The following FAM20B variants were observed in gnomAD, a reference collection of about 807,000 sequenced individuals.
FAM20B encodes glycosaminoglycan xylosylkinase.
In FAM20B, 23 loss-of-function variants were observed where a neutral mutation model predicts 43.8. The observed-to-expected ratio is 0.53, with a 90% CI of 0.38 to 0.74. The LOEUF (loss-of-function observed/expected upper bound fraction) is 0.74, where lower values mean the gene tolerates loss of function less well. Ranked by LOEUF, FAM20B falls within the 30% of genes least tolerant of loss-of-function variation. The probability of loss-of-function intolerance (pLI) is 0.00; values close to 1 mark genes in which losing one functional copy is unlikely to be tolerated. For missense variants in FAM20B, 440 were observed against 510.5 expected (o/e 0.86, Z 1.33); for synonymous variants, 178 against 192.4 (o/e 0.93, Z 0.62).
intron 1 of FAM20B, among the ~76,000 whole-genome samples, chr1:179,041,612 C>T (rs1023806807): frequency 2.1e-5 from 3 of 143,462 alleles, no homozygotes; most frequent in Non-Finnish European, 3.0e-5. Context: ...AGAGGGAGAC[C>T]GTGGAAAGAG....
chr1:179,062,290 T>C (rs1347339343), intron 4 of FAM20B, among the ~76,000 whole-genome samples: 1 of 152,172 alleles, frequency 6.6e-6, no homozygotes, highest in Non-Finnish European at 1.5e-5. Context: ...GTGGGAAATA[T>C]ATGTATATGT....
At position 179,064,001 on chromosome 1, in the gene FAM20B, A is replaced by T. The variant is rs142541786; in HGVS notation, c.649A>T (p.Met217Leu). The T allele has an allele frequency of 6.2e-7, 1 of 1,613,840 alleles. No homozygotes were observed. Among genetic ancestry groups the T allele is most frequent in the African/African-American group, 1.3e-5 (1 of 75,030 alleles). ...TEPACADGDIMEGSVTLWLPD... is the reference protein window; with the variant it reads ...TEPACADGDILEGSVTLWLPD... ...ACCAGCTTGTGCTGATGGAGACATA[A>T]TGGAGGGATCTGTCACACTTTGGCT... is the stretch of plus-strand genomic sequence containing the variant. Residue 217 changes from methionine to leucine, a missense_variant, in exon 5 of 8, where the codon ATG (methionine) becomes TTG (leucine). Met to Leu is a conservative substitution (Grantham distance 15, BLOSUM62 2). Coordinates refer to ENST00000263733, the MANE Select transcript of FAM20B (RefSeq NM_014864.4).
intron 4 of FAM20B, among the ~76,000 whole-genome samples, chr1:179,063,203 G>A (rs1213387172): frequency 1.3e-5 from 2 of 151,812 alleles, no homozygotes; most frequent in African/African-American, 4.8e-5. Flanking sequence ...CTTGAACCTG[G>A]GAGGCAGAGG....
chr1:179,071,090 C>T (rs1410147845), intron 7 of FAM20B, among the ~76,000 whole-genome samples: 2 of 151,668 alleles, frequency 1.3e-5, no homozygotes, highest in East Asian at 4.0e-4. Flanking sequence ...GTCAGGAGAT[C>T]AAGACCATCC....
rs1168444374 is a variant in FAM20B at position 179,044,015 on chromosome 1, G to A, written c.168G>A (p.Leu56=). The change falls in exon 2 of 8, where the codon CTG becomes CTA. Residue 56 remains leucine, a synonymous_variant. Transcript: ENST00000263733. ...TGCGGGTGGAGCTGGCACCCAAGCT[G>A]GACCATACCTTGCAGTCTCCCTGGG... ...TGLRVELAPK[L]DHTLQSPWEI... 22 of 1,614,034 alleles carry A rather than the reference G, an allele frequency of 1.4e-5. No individual in the cohort carries two copies. In the Admixed American group the frequency reaches 3.7e-4, roughly 27 times the overall value.
At chr1:179,036,343 T>A (rs1024535724) in intron 1 of FAM20B, among the ~76,000 whole-genome samples, 8 of 152,202 alleles carry the variant, frequency 5.3e-5, no homozygotes, top group Admixed American at 4.6e-4. Context: ...CTTTTAAAGT[T>A]ATGTTATTAC....
chr1:179,042,024 A>T (rs1282862001), intron 1 of FAM20B, among the ~76,000 whole-genome samples: 1 of 152,118 alleles, frequency 6.6e-6, no homozygotes, highest in African/African-American at 2.4e-5. Flanking sequence ...TTGCTTTAAA[A>T]TTTTCAGTGT....
intron 1 of FAM20B, among the ~76,000 whole-genome samples, chr1:179,039,751 T>TA (rs1650403394): frequency 2.0e-5 from 3 of 151,916 alleles, no homozygotes; most frequent in Non-Finnish European, 4.4e-5. Context: ...TATTTTTTTT[T>TA]ATTGATCATT....
At chr1:179,068,730 G>T (rs1179610040) in intron 7 of FAM20B, among the ~76,000 whole-genome samples, 1 of 152,094 alleles carries the variant, frequency 6.6e-6, no homozygotes, top group Non-Finnish European at 1.5e-5. Context: ...CACTGCGCCC[G>T]ACCCAATATA....
intron 1 of FAM20B, among the ~76,000 whole-genome samples, chr1:179,035,927 C>T (rs1170524120): frequency 1.3e-5 from 2 of 151,930 alleles, no homozygotes; most frequent in Admixed American, 6.6e-5. Flanking sequence ...GTCAGGAGTT[C>T]GAGACCAGCC....
In FAM20B at chr1:179,064,422, T is replaced by C. The variant is rs1158759810; in HGVS notation, c.864T>C (p.Ala288=). The stretch of plus-strand genomic sequence containing the variant: ...TCTTTGATTACCTGATTGGCAATGC[T>C]GACCGCCATCACTATGAGAGCTTTC... ...TAVFDYLIGN[A]DRHHYESFQD... Residue 288 remains alanine (A), a synonymous_variant, in exon 6 of 8, where the codon GCT becomes GCC. Transcript: ENST00000263733. 6.2e-7 allele frequency: 1 copy of C among 1,614,214 alleles called. No homozygotes were observed. Among genetic ancestry groups the C allele is most frequent in the Non-Finnish European group, 8.5e-7 (1 of 1,180,028 alleles).
chr1:179,060,224 T>C (rs1444280591), intron 4 of FAM20B, among the ~76,000 whole-genome samples: 2 of 152,234 alleles, frequency 1.3e-5, no homozygotes, highest in Non-Finnish European at 2.9e-5. Context: ...TTCATTGTTT[T>C]GTTGTTTCAC....
At chr1:179,027,991 C>G (rs566244261) in intron 1 of FAM20B, among the ~76,000 whole-genome samples, 3 of 152,062 alleles carry the variant, frequency 2.0e-5, no homozygotes, top group South Asian at 4.1e-4. Context: ...GATTCCAGCC[C>G]TTTCACACAG....
intron 7 of FAM20B, among the ~76,000 whole-genome samples, chr1:179,067,609 AAATAAAT>A (rs1651745675): frequency 6.6e-6 from 1 of 152,132 alleles, no homozygotes; most frequent in Admixed American, 6.5e-5. Context: ...GTCTCAAAAA[AAATAAAT>A]AATAAATAAT....
intron 2 of FAM20B, among the ~76,000 whole-genome samples, chr1:179,047,602 G>A (rs1479438553): frequency 6.6e-6 from 1 of 152,180 alleles, no homozygotes; most frequent in African/African-American, 2.4e-5. Flanking sequence ...CCTGCCATAG[G>A]TGCTAACTCT....
upstream of FAM20B, among the ~76,000 whole-genome samples, chr1:179,023,607 T>G (rs1448376330): frequency 6.6e-6 from 1 of 152,222 alleles, no homozygotes; most frequent in Admixed American, 6.5e-5. Flanking sequence ...AATGTATGCA[T>G]CAGTGAATGA....
the FAM20B span, among the ~76,000 whole-genome samples, chr1:179,018,837 A>C: frequency 6.6e-6 from 1 of 152,158 alleles, no homozygotes; most frequent in East Asian, 1.9e-4. Context: ...GCTCACGTGA[A>C]TATGGAGGTT....
At chr1:179,045,631 G>A (rs1228092865) in intron 2 of FAM20B, among the ~76,000 whole-genome samples, 4 of 152,150 alleles carry the variant, frequency 2.6e-5, no homozygotes, top group African/African-American at 4.8e-5. Context: ...GGGGCTGGGC[G>A]TGATGGCTCA....
At chr1:179,043,053 C>A (rs891762007) in intron 1 of FAM20B, among the ~76,000 whole-genome samples, 1 of 152,178 alleles carries the variant, frequency 6.6e-6, no homozygotes, top group Non-Finnish European at 1.5e-5. Flanking sequence ...CCCTTTCCGC[C>A]CAGGAGCCTG....
Sources: allele counts gnomAD v4.1 joint callset (sites outside exome capture counted in the v4.1 genomes callset), GRCh38; gene constraint gnomAD v4.1.1; transcripts MANE v1.5; gene names NCBI Gene and HGNC (gene_info 2026-07-23, HGNC 2026-07-21).